TOPAZ1: variants seen among roughly 807,000 people sequenced by gnomAD.
TOPAZ1 encodes protein TOPAZ1.
A neutral mutation model predicts 172.2 loss-of-function variants in TOPAZ1; 66 were observed. That is an observed-to-expected ratio of 0.38 (90% CI 0.31 to 0.47). The LOEUF is 0.47. Among genes scored for constraint, TOPAZ1 ranks in the 20% least tolerant of loss-of-function variants. The probability of loss-of-function intolerance (pLI) is 0.99; values close to 1 mark genes in which losing one functional copy is unlikely to be tolerated. For synonymous variants in TOPAZ1, 681 were observed against 683.9 expected (o/e 1.00, Z 0.07); for missense variants, 1,822 against 1,972.4 (o/e 0.92, Z 1.44).
In TOPAZ1 at chr3:44,308,594, G is replaced by T. The variant is rs142848895; in HGVS notation, c.4141-1231G>T. Among the ~76,000 whole-genome samples the T allele has an allele frequency of 8.9e-3, 1,355 of 151,916 alleles. 20 individuals are homozygous for T. The highest frequency in any genetic ancestry group is 0.032 in the African/African-American group (1,308 of 41,250). On this transcript the variant is annotated intron_variant, in intron 15 of 19. Transcript: ENST00000309765. The stretch of plus-strand genomic sequence containing the variant: ...ATAGTGCCGCAATAAACATACATAT[G>T]CATGTGTCTTTATAGACTGCATCTC...
chr3:44,281,791 G>A (rs1700026057), intron 8 of TOPAZ1, among the ~76,000 whole-genome samples, 177 bp from the exon 9 acceptor site: 2 of 152,224 alleles, frequency 1.3e-5, no homozygotes, highest in East Asian at 1.9e-4. Flanking sequence ...TAAGATTTTT[G>A]TAATGAATTC....
intron 3 of TOPAZ1, 29 bp from the exon 4 acceptor site, chr3:44,256,122 T>A: frequency 6.8e-7 from 1 of 1,461,648 alleles, no homozygotes; most frequent in Non-Finnish European, 9.1e-7. Context: ...TCTTTAAAGT[T>A]TCTATAGTTG....
At position 44,243,677 on chromosome 3, in the gene TOPAZ1, T is replaced by C; in HGVS notation, c.1171T>C (p.Leu391=). The stretch of plus-strand genomic sequence containing the variant: ...AAAAGTAAGCCATAATACAGTCTCT[T>C]TGATGGATCATTTATTAAGTGTCCC... ...LRKVSHNTVS[L]MDHLLSVPET... Residue 391 remains leucine, a synonymous_variant, in exon 2 of 20, where the codon TTG becomes CTG. Transcript: ENST00000309765. The C allele has an allele frequency of 6.5e-7, 1 of 1,550,306 alleles. No individual in the cohort carries two copies. The highest frequency in any genetic ancestry group is 8.7e-7 in the Non-Finnish European group (1 of 1,146,900).
chr3:44,275,860 T>C (rs557733082), intron 8 of TOPAZ1, among the ~76,000 whole-genome samples: 13 of 152,068 alleles, frequency 8.5e-5, no homozygotes, highest in African/African-American at 3.1e-4. Flanking sequence ...TCACCAACAT[T>C]TGTTATTTTC....
chr3:44,310,034 G>T (rs1185515527), intron 16 of TOPAZ1, 44 bp downstream of exon 16: 2 of 1,495,154 alleles, frequency 1.3e-6, no homozygotes, highest in East Asian at 2.5e-5. Flanking sequence ...CGTTATACTT[G>T]TCATGCATTT....
At chr3:44,249,737 C>T (rs893173348) in intron 2 of TOPAZ1, among the ~76,000 whole-genome samples, 4 of 152,150 alleles carry the variant, frequency 2.6e-5, no homozygotes, top group African/African-American at 9.7e-5. Flanking sequence ...TTGAGAATAT[C>T]GCAGGCCATT....
chr3:44,282,761 T>C (rs1700038041), intron 9 of TOPAZ1, among the ~76,000 whole-genome samples: 1 of 152,152 alleles, frequency 6.6e-6, no homozygotes, highest in African/African-American at 2.4e-5. Context: ...ATATTTCTGC[T>C]TGAGATCTCA....
chr3:44,308,477 A>G (rs1575730824), intron 15 of TOPAZ1, among the ~76,000 whole-genome samples: 1 of 152,110 alleles, frequency 6.6e-6, no homozygotes, highest in Non-Finnish European at 1.5e-5. Flanking sequence ...TTATGGCTGC[A>G]TAGTATTCCA....
chr3:44,306,377 T>C lies in TOPAZ1; in HGVS notation c.4091T>C (p.Ile1364Thr). 6.5e-7 allele frequency: 1 copy of C among 1,548,992 alleles called. No homozygotes were observed. Among genetic ancestry groups the C allele is most frequent in the Non-Finnish European group, 8.7e-7 (1 of 1,145,024 alleles). Residue 1364 changes from isoleucine (I) to threonine (T), a missense_variant, in exon 15 of 20, where the codon ATT (isoleucine) becomes ACT (threonine). Physicochemically the swap from Ile to Thr is moderately conservative, Grantham distance 89 (BLOSUM62 -1). Coordinates refer to ENST00000309765, the MANE Select transcript of TOPAZ1 (RefSeq NM_001145030.2). ...SKVDKGVLGR[I>T]GISAMYFYHK... is the part of the protein sequence containing the mutation. ...GTAGATAAAGGTGTACTGGGAAGAATTGGAATCAGTGCTATGTACTTCTAT... is the reference window on the plus strand; with the variant it reads ...GTAGATAAAGGTGTACTGGGAAGAACTGGAATCAGTGCTATGTACTTCTAT...
In TOPAZ1 at chr3:44,331,671, T is replaced by G. The variant is rs143128318; in HGVS notation, c.4860-121T>G. On this transcript the variant is annotated intron_variant, in intron 19 of 19. Coordinates refer to ENST00000309765, the MANE Select transcript of TOPAZ1 (RefSeq NM_001145030.2). Reference sequence around the variant, plus strand: ...ATCAAAAAAGTTTGAAAGCCACTTTTAGAAGAACATGGTGAGAAGACTATC... The same window carrying G: ...ATCAAAAAAGTTTGAAAGCCACTTTGAGAAGAACATGGTGAGAAGACTATC... 53 of 863,022 alleles carry G rather than the reference T, an allele frequency of 6.1e-5. No individual in the cohort carries two copies. In the African/African-American group the frequency reaches 7.7e-4, roughly 13 times the overall value. The allele number at this position is 863,022 out of a possible 1,614,324, so 53.5% of individuals were successfully genotyped here.
intron 8 of TOPAZ1, among the ~76,000 whole-genome samples, chr3:44,275,145 T>A (rs1238341790): frequency 6.6e-6 from 1 of 152,016 alleles, no homozygotes; most frequent in Non-Finnish European, 1.5e-5. Context: ...ATCATAATGA[T>A]CAATCAAGTC....
intron 12 of TOPAZ1, among the ~76,000 whole-genome samples, chr3:44,300,573 C>T (rs1575727791): frequency 6.6e-6 from 1 of 152,312 alleles, no homozygotes. Context: ...GATATCACCA[C>T]ACACCTATCA....
Position 44,321,195 on chromosome 3 carries a change from T to G in TOPAZ1, c.4471+4T>G. On this transcript the variant is annotated splice_donor_region_variant and intron_variant, in intron 17 of 19. Transcript: ENST00000309765. ...CCAGGTTTTCAAAATTCCCAAGGTATGTTTTTTAAAAGTCTATCTTAATTA... is the reference window on the plus strand; with the variant it reads ...CCAGGTTTTCAAAATTCCCAAGGTAGGTTTTTTAAAAGTCTATCTTAATTA... The G allele has an allele frequency of 6.5e-7, 1 of 1,536,892 alleles. No homozygotes were observed. Among genetic ancestry groups the G allele is most frequent in the South Asian group, 1.2e-5 (1 of 80,858 alleles).
intron 11 of TOPAZ1, 115 bp from the exon 12 acceptor site, chr3:44,290,656 A>T: frequency 1.6e-6 from 1 of 627,408 alleles, no homozygotes; most frequent in East Asian, 3.2e-5. Context: ...GTTTTATTCC[A>T]CTTGTCTCCA....
At chr3:44,335,277 G>A (rs556369322), downstream of TOPAZ1, among the ~76,000 whole-genome samples, 3 of 152,192 alleles carry the variant, frequency 2.0e-5, no homozygotes, top group East Asian at 1.9e-4. Context: ...AAGGGCCACC[G>A]CTGCTAAGGC....
intron 2 of TOPAZ1, among the ~76,000 whole-genome samples, chr3:44,253,382 A>G (rs1462086268): frequency 6.6e-6 from 1 of 152,238 alleles, no homozygotes; most frequent in Non-Finnish European, 1.5e-5. Flanking sequence ...AGCTATTGTA[A>G]TAAGCCAAAA....
chr3:44,269,019 A>G (rs1170011776), intron 6 of TOPAZ1, among the ~76,000 whole-genome samples, 197 bp from the exon 7 acceptor site: 1 of 152,248 alleles, frequency 6.6e-6, no homozygotes, highest in Admixed American at 6.5e-5. Context: ...ATTCAGGTCT[A>G]GAAATACTTG....
intron 19 of TOPAZ1, among the ~76,000 whole-genome samples, chr3:44,328,773 A>G (rs1205784857): frequency 6.6e-6 from 1 of 152,194 alleles, no homozygotes; most frequent in Non-Finnish European, 1.5e-5. Flanking sequence ...ATCTCTAGTC[A>G]ACTCAAAAGA....
At chr3:44,335,901 C>G (rs183623580), downstream of TOPAZ1, among the ~76,000 whole-genome samples, 55 of 152,320 alleles carry the variant, frequency 3.6e-4, 1 homozygote, top group East Asian at 0.01. Flanking sequence ...AAAACCCAGC[C>G]TTACCCAAAA....
Sources: gnomAD v4.1 joint callset for allele counts (sites outside exome capture counted in the v4.1 genomes callset) on GRCh38, gnomAD v4.1.1 for gene constraint, MANE v1.5 for transcripts, NCBI Gene and HGNC (gene_info 2026-07-23, HGNC 2026-07-21) for gene names.